The following CNTN3 variants were observed in gnomAD, a reference collection of about 807,000 sequenced individuals.
CNTN3 encodes contactin 3, also known as contactin-3.
A neutral mutation model predicts 119.1 loss-of-function variants in CNTN3; 60 were observed. That is an observed-to-expected ratio of 0.50 (90% CI 0.41 to 0.62). CNTN3 has a LOEUF of 0.62. Among genes scored for constraint, CNTN3 ranks in the 20% least tolerant of loss-of-function variants. The pLI is 0.00. For missense variants in CNTN3, 1,101 were observed against 1,242.4 expected, an observed-to-expected ratio of 0.89 and a Z score of 1.71; for synonymous variants, 450 against 438.7, an observed-to-expected ratio of 1.03 and a Z score of -0.32.
intron 4 of CNTN3, among the ~76,000 whole-genome samples, chr3:74,432,344 G>A (rs1701797381): frequency 6.6e-6 from 1 of 150,982 alleles, no homozygotes; most frequent in African/African-American, 2.4e-5. Context: ...ATTGTCTTGG[G>A]CCACACATAA....
intron 4 of CNTN3, among the ~76,000 whole-genome samples, chr3:74,428,754 C>T (rs1197612277): frequency 6.6e-6 from 1 of 152,184 alleles, no homozygotes; most frequent in African/African-American, 2.4e-5. Context: ...TTCACATTCA[C>T]TCACCGCTCA....
chr3:74,430,463 C>G (rs1488229833), intron 4 of CNTN3, among the ~76,000 whole-genome samples: 2 of 152,128 alleles, frequency 1.3e-5, no homozygotes, highest in Non-Finnish European at 2.9e-5. Flanking sequence ...GGGTTTAGTG[C>G]TGGGCATGGT....
chr3:74,453,346 T>A (rs1702198858), intron 4 of CNTN3, among the ~76,000 whole-genome samples: 1 of 152,176 alleles, frequency 6.6e-6, no homozygotes, highest in Non-Finnish European at 1.5e-5. Context: ...TGTATTTCTG[T>A]GGGATCGGTG....
At chr3:74,313,106 A>G (rs1702736667) in intron 13 of CNTN3, among the ~76,000 whole-genome samples, 2 of 152,164 alleles carry the variant, frequency 1.3e-5, no homozygotes, top group East Asian at 1.9e-4. Flanking sequence ...GAGCTCAATG[A>G]TACAAAAATA....
At chr3:74,452,780 G>A (rs960580691) in intron 4 of CNTN3, among the ~76,000 whole-genome samples, 1 of 151,090 alleles carries the variant, frequency 6.6e-6, no homozygotes, top group Non-Finnish European at 1.5e-5. Flanking sequence ...TAATCATGTG[G>A]TTTTTGTCTT....
chr3:74,392,238 C>T (rs1265844485), intron 5 of CNTN3, among the ~76,000 whole-genome samples: 1 of 152,034 alleles, frequency 6.6e-6, no homozygotes, highest in Non-Finnish European at 1.5e-5. Context: ...AGAGAAAGGG[C>T]CTGCTGAGGC....
At chr3:74,435,333 C>T (rs1055649314) in intron 4 of CNTN3, among the ~76,000 whole-genome samples, 1 of 152,190 alleles carries the variant, frequency 6.6e-6, no homozygotes, top group Middle Eastern at 3.4e-3. Context: ...TGCCAACATC[C>T]CCAGCTAGTT....
intron 1 of CNTN3, among the ~76,000 whole-genome samples, chr3:74,547,213 T>C (rs2107155123): frequency 6.6e-6 from 1 of 152,336 alleles, no homozygotes; most frequent in African/African-American, 2.4e-5. Flanking sequence ...TTTACAGATA[T>C]TGTTTCTACA....
intron 11 of CNTN3, among the ~76,000 whole-genome samples, chr3:74,355,495 C>T (rs1703914261): frequency 6.6e-6 from 1 of 151,866 alleles, no homozygotes; most frequent in South Asian, 2.1e-4. Context: ...CACTCTGTTG[C>T]CCAGGCTGGA....
At chr3:74,346,771 AT>A (rs1365596189) in intron 11 of CNTN3, among the ~76,000 whole-genome samples, 10 of 151,668 alleles carry the variant, frequency 6.6e-5, no homozygotes, top group Non-Finnish European at 1.0e-4. Context: ...CCATCCATCC[AT>A]CCATCCATCC....
intron 10 of CNTN3, among the ~76,000 whole-genome samples, chr3:74,363,392 C>T (rs184458378): frequency 6.6e-6 from 1 of 152,226 alleles, no homozygotes; most frequent in Admixed American, 6.5e-5. Flanking sequence ...GGATATTTAG[C>T]AGCCTCTCTG....
rs776621925 is a variant in CNTN3 at position 74,551,754 on chromosome 3, C to CTTTT, written c.-80-30566_-80-30563dup. Among the ~76,000 whole-genome samples the CTTTT allele has an allele frequency of 2.7e-3, 162 of 60,228 alleles. 12 individuals carry two copies. The highest frequency in any genetic ancestry group is 3.1e-3 in the South Asian group (4 of 1,276). The allele number at this position is 60,228 out of a possible 152,430, so 39.5% of individuals were successfully genotyped here. On this transcript the variant is annotated intron_variant, in intron 1 of 22. Coordinates refer to ENST00000263665, the MANE Select transcript of CNTN3 (RefSeq NM_020872.3). ...AGATCTGCTTCTTCTTCTTCTTCTT[C>CTTTT]TTTTTTTTTTTTTTTTTTTTTTTTT...
chr3:74,279,728 A>T (rs1420075277), intron 20 of CNTN3, among the ~76,000 whole-genome samples: 1 of 152,108 alleles, frequency 6.6e-6, no homozygotes, highest in Non-Finnish European at 1.5e-5. Flanking sequence ...AATCTCACAA[A>T]TCACCACTAA....
chr3:74,419,059 A>T (rs1701576401), intron 5 of CNTN3, among the ~76,000 whole-genome samples: 1 of 152,058 alleles, frequency 6.6e-6, no homozygotes, highest in African/African-American at 2.4e-5. Flanking sequence ...GGCCTCCCAA[A>T]GTGCTAGGAT....
intron 1 of CNTN3, among the ~76,000 whole-genome samples, chr3:74,599,047 G>C (rs957110128): frequency 6.6e-6 from 1 of 152,082 alleles, no homozygotes; most frequent in Non-Finnish European, 1.5e-5. Context: ...AAGGACTGAA[G>C]TGGTTAGCAT....
intron 5 of CNTN3, among the ~76,000 whole-genome samples, chr3:74,421,557 A>G (rs558350887): frequency 6.6e-6 from 1 of 152,344 alleles, no homozygotes; most frequent in African/African-American, 2.4e-5. Flanking sequence ...ATAAAATATG[A>G]TTGTATCTTC....
At chr3:74,380,127 C>T (rs374686484) in intron 5 of CNTN3, among the ~76,000 whole-genome samples, 3 of 152,334 alleles carry the variant, frequency 2.0e-5, no homozygotes, top group East Asian at 3.9e-4. Flanking sequence ...TTCTTCTCTA[C>T]TTCCTCATTT....
chr3:74,463,115 G>A (rs1360433472), intron 4 of CNTN3, among the ~76,000 whole-genome samples: 3 of 152,088 alleles, frequency 2.0e-5, no homozygotes, highest in African/African-American at 7.2e-5. Flanking sequence ...ACATCAAACT[G>A]AGCTCAGTAA....
rs142494019 is a variant in CNTN3 at position 74,448,641 on chromosome 3, T to C, written c.359-23701A>G. On this transcript the variant is annotated intron_variant, in intron 4 of 22. Coordinates refer to ENST00000263665, the MANE Select transcript of CNTN3 (RefSeq NM_020872.3). The stretch of plus-strand genomic sequence containing the variant: ...AACAAGGAGAACAACGTTGCATACA[T>C]TTATTGGGTTGTGAAGATAACAAAA... Among the ~76,000 whole-genome samples the C allele has an allele frequency of 6.7e-3, 1,027 of 152,220 alleles. 16 individuals are homozygous for C. The highest frequency in any genetic ancestry group is 0.024 in the African/African-American group (983 of 41,548).
Sources: allele counts gnomAD v4.1 joint callset (sites outside exome capture counted in the v4.1 genomes callset), GRCh38; gene constraint gnomAD v4.1.1; transcripts MANE v1.5; gene names NCBI Gene and HGNC (gene_info 2026-07-23, HGNC 2026-07-21).